The following CDKL5 variants were observed in gnomAD, a reference collection of about 807,000 sequenced individuals.
CDKL5 encodes cyclin-dependent kinase-like 5.
Under a neutral mutation model 61.7 loss-of-function variants are expected in CDKL5, and 8 were observed. That is an observed-to-expected ratio of 0.13 (90% CI 0.08 to 0.23). CDKL5 has a LOEUF of 0.23. Ranked by LOEUF, CDKL5 falls within the 10% of genes least tolerant of loss-of-function variation. The pLI is 1.00. For synonymous variants in CDKL5, 275 were observed against 272.3 expected, an observed-to-expected ratio of 1.01 and a Z score of -0.10; for missense variants, 440 against 734.5, an observed-to-expected ratio of 0.60 and a Z score of 4.63.
Position 18,609,825 on chromosome X carries a change from T to C in CDKL5, c.2152+255T>C, listed in dbSNP as rs187002855. On this transcript the variant is annotated intron_variant, in intron 14 of 17. Transcript: ENST00000623535. ...GACTAGAGTGATCCTTCTGAAGCTG[T>C]GTTCTGACCATACCACTCATTTTGT... is the stretch of plus-strand genomic sequence containing the variant. Among the ~76,000 whole-genome samples the C allele has an allele frequency of 3.6e-5, 4 of 111,646 alleles. No individual in the cohort carries two copies. The Admixed American group carries it at 3.8e-4, about 11-fold the overall frequency.
chrX:18,587,639 G>A (rs773936400), intron 8 of CDKL5: 129 of 235,657 alleles, frequency 5.5e-4, no homozygotes, highest in African/African-American at 3.4e-3. Context: ...CCCCAAGTGA[G>A]GTGTTACTTG....
chrX:18,518,385 CTTATTTTTTTTTTTTTTTTTTTT>C (rs1923111364), intron 3 of CDKL5, among the ~76,000 whole-genome samples: 1 of 22,790 alleles, frequency 4.4e-5, no homozygotes, highest in Admixed American at 5.6e-4. Context: ...CTTTTCTTTT[CTTATTTTTTTTTTTTTTTTTTTT>C]TTTTTTTTTT....
intron 15 of CDKL5, among the ~76,000 whole-genome samples, chrX:18,618,071 C>G (rs764127922): frequency 7.1e-5 from 8 of 112,459 alleles, no homozygotes; most frequent in African/African-American, 1.9e-4. Context: ...ACTGGTGTCT[C>G]AAGCCTTCAT....
chrX:18,447,843 C>CT (rs1307608915), intron 1 of CDKL5, among the ~76,000 whole-genome samples: 74 of 105,733 alleles, frequency 7.0e-4, no homozygotes, highest in South Asian at 1.6e-3. Context: ...TTTCTAAATT[C>CT]TTTTTTTTTT....
At chrX:18,473,828 A>AT (rs1921199307) in intron 1 of CDKL5, among the ~76,000 whole-genome samples, 1 of 106,224 alleles carries the variant, frequency 9.4e-6, no homozygotes, top group East Asian at 2.9e-4. Context: ...TTCTTGTGGC[A>AT]TTTTTTAAAG....
At chrX:18,459,292 A>C (rs1293382661) in intron 1 of CDKL5, among the ~76,000 whole-genome samples, 1 of 111,757 alleles carries the variant, frequency 8.9e-6, no homozygotes, top group East Asian at 2.8e-4. Flanking sequence ...ACCATGGCTC[A>C]TGCCTATAAT....
At chrX:18,603,148 T>C (rs1317303004) in intron 11 of CDKL5, among the ~76,000 whole-genome samples, 1 of 112,062 alleles carries the variant, frequency 8.9e-6, no homozygotes, top group Non-Finnish European at 1.9e-5. Flanking sequence ...AGAGAATAAT[T>C]GTGTCTTTTG....
At chrX:18,570,631 T>C (rs1925107242) in intron 4 of CDKL5, among the ~76,000 whole-genome samples, 2 of 111,690 alleles carry the variant, frequency 1.8e-5, no homozygotes, top group African/African-American at 6.5e-5. Context: ...TATACAAAAA[T>C]GTCAGGTTTG....
At chrX:18,580,216 A>G (rs192475472) in intron 6 of CDKL5, among the ~76,000 whole-genome samples, 150 of 112,074 alleles carry the variant, frequency 1.3e-3, no homozygotes, top group African/African-American at 4.6e-3. Context: ...ACTATTATAG[A>G]TCCACTCCCA....
At chrX:18,527,460 A>G (rs1311779976) in intron 3 of CDKL5, among the ~76,000 whole-genome samples, 1 of 111,726 alleles carries the variant, frequency 9.0e-6, no homozygotes, top group East Asian at 2.8e-4. Flanking sequence ...AAATTTTGGT[A>G]ATTTGTATGT....
intron 1 of CDKL5, among the ~76,000 whole-genome samples, chrX:18,502,965 A>G (rs534178553): frequency 8.9e-6 from 1 of 111,998 alleles, no homozygotes; most frequent in African/African-American, 3.2e-5. Flanking sequence ...TTCTTTAGAA[A>G]ACCTTGTTGG....
chrX:18,519,819 A>T (rs1370232051), intron 3 of CDKL5, among the ~76,000 whole-genome samples: 1 of 112,365 alleles, frequency 8.9e-6, no homozygotes, highest in Non-Finnish European at 1.9e-5. Flanking sequence ...TTGGAGAAAA[A>T]TATGTGAGAT....
intron 1 of CDKL5, among the ~76,000 whole-genome samples, chrX:18,505,330 C>T (rs936792151): frequency 9.0e-6 from 1 of 111,485 alleles, no homozygotes; most frequent in Non-Finnish European, 1.9e-5. Flanking sequence ...TTTATATAAC[C>T]GAAGTACTAA....
At chrX:18,548,029 A>G (rs890928968) in intron 3 of CDKL5, among the ~76,000 whole-genome samples, 11 of 110,924 alleles carry the variant, frequency 9.9e-5, no homozygotes, top group African/African-American at 3.6e-4. Flanking sequence ...TATAATTTAA[A>G]TTAAATTTGG....
At chrX:18,436,816 T>C in intron 1 of CDKL5, among the ~76,000 whole-genome samples, 1 of 104,282 alleles carries the variant, frequency 9.6e-6, no homozygotes, top group East Asian at 3.0e-4. Flanking sequence ...GGAGGATTGC[T>C]TGAGCCCAGG....
In CDKL5 at chrX:18,476,656, T is replaced by C. The variant is rs191370029; in HGVS notation, c.-162-30279T>C. Among the ~76,000 whole-genome samples the C allele has an allele frequency of 1.8e-4, 20 of 113,130 alleles. No individual in the cohort carries two copies. In the East Asian group the frequency reaches 5.5e-3, roughly 31 times the overall value. On this transcript the variant is annotated intron_variant, in intron 1 of 17. Transcript: ENST00000623535. ...TTTAAAAGTCTTAACATCTAGTTTG[T>C]TTGATTTTAATATAGCCATTCCAGC...
intron 3 of CDKL5, among the ~76,000 whole-genome samples, chrX:18,521,450 T>C (rs1923241287): frequency 8.9e-6 from 1 of 111,876 alleles, no homozygotes; most frequent in African/African-American, 3.2e-5. Flanking sequence ...CATGAAGATT[T>C]ATGGCTGTCT....
chrX:18,566,141 G>A (rs1456612611), intron 4 of CDKL5, among the ~76,000 whole-genome samples: 5 of 111,782 alleles, frequency 4.5e-5, no homozygotes, highest in Non-Finnish European at 7.5e-5. Context: ...GTACAATCTA[G>A]GCCATGTATG....
chrX:18,487,784 C>T (rs56121340), intron 1 of CDKL5, among the ~76,000 whole-genome samples: 12 of 112,139 alleles, frequency 1.1e-4, no homozygotes, highest in African/African-American at 2.9e-4. Flanking sequence ...GGCGTGATGG[C>T]GTGTGCCTGT....
Sources: gnomAD v4.1 joint callset for allele counts (sites outside exome capture counted in the v4.1 genomes callset) on GRCh38, gnomAD v4.1.1 for gene constraint, MANE v1.5 for transcripts, NCBI Gene and HGNC (gene_info 2026-07-23, HGNC 2026-07-21) for gene names.